Variants in ATRX observed in about 807,000 individuals in gnomAD.
ATRX encodes the protein chromatin remodeler ATRX.
Under a neutral mutation model 172.6 loss-of-function variants are expected in ATRX, and 12 were observed. The observed-to-expected ratio is 0.07, with a 90% CI of 0.04 to 0.11. ATRX has a LOEUF of 0.11. Among genes scored for constraint, ATRX ranks in the 10% least tolerant of loss-of-function variants. The probability of loss-of-function intolerance (pLI) is 1.00; values close to 1 mark genes in which losing one functional copy is unlikely to be tolerated. For missense variants in ATRX, 1,368 were observed against 1,767.4 expected (o/e 0.77, Z 4.05); for synonymous variants, 674 against 594.7 (o/e 1.13, Z -1.94).
intron 22 of ATRX, 50 bp downstream of exon 22, chrX:77,616,563 A>G (rs781969345): frequency 7.4e-5 from 86 of 1,156,723 alleles, no homozygotes; most frequent in Non-Finnish European, 9.9e-5. Context: ...CTTCTTTGGA[A>G]AAAGAATGTC....
chrX:77,537,846 T>C (rs1169346464), intron 30 of ATRX, among the ~76,000 whole-genome samples: 3 of 111,168 alleles, frequency 2.7e-5, no homozygotes, highest in African/African-American at 9.8e-5. Flanking sequence ...GTCCTGAATA[T>C]ATATATATGT....
At chrX:77,718,754 A>C (rs2073586514) in intron 1 of ATRX, among the ~76,000 whole-genome samples, 1 of 110,050 alleles carries the variant, frequency 9.1e-6, no homozygotes, top group Admixed American at 9.8e-5. Flanking sequence ...TTAAATAAGG[A>C]AAGTATAAGT....
chrX:77,517,388 T>G lies in ATRX; in HGVS notation c.7200+3400A>C, dbSNP rs782153751. On this transcript the variant is annotated intron_variant, in intron 34 of 34. Transcript: ENST00000373344. ...TTCAAAGGATCATTAGAGGCTCCTA[T>G]GACAAACTACATGCAAAAAATTGGA... Among the ~76,000 whole-genome samples the G allele has an allele frequency of 2.7e-5, 3 of 111,597 alleles. No individual in the cohort carries two copies. The East Asian group carries it at 8.4e-4, about 31-fold the overall frequency.
chrX:77,716,912 C>T (rs2073464121), intron 2 of ATRX, among the ~76,000 whole-genome samples: 1 of 111,372 alleles, frequency 9.0e-6, no homozygotes, highest in Non-Finnish European at 1.9e-5. Context: ...CTTTTCTAAG[C>T]TTTCTATAGT....
intron 20 of ATRX, among the ~76,000 whole-genome samples, chrX:77,620,087 A>C (rs191795262): frequency 8.9e-6 from 1 of 112,351 alleles, no homozygotes; most frequent in East Asian, 2.8e-4. Context: ...TATCTGGAGT[A>C]ATCACATATG....
At position 77,747,051 on chromosome X, in the gene ATRX, G is replaced by A. The variant is rs188818276; in HGVS notation, c.21-29808C>T. On this transcript the variant is annotated intron_variant, in intron 1 of 34. Coordinates refer to ENST00000373344, the MANE Select transcript of ATRX (RefSeq NM_000489.6). ...CCTAACCTCGTGATCCACCCGCTTC[G>A]GCCTCCCAAAGTGCTGGGATTACAG... 6.0e-3 allele frequency among the ~76,000 whole-genome samples: 663 copies of A among 110,110 alleles called. 3 individuals carry two copies. Among genetic ancestry groups the A allele is most frequent in the African/African-American group, 0.02 (622 of 30,358 alleles).
chrX:77,634,854 T>C, intron 16 of ATRX, 151 bp from the exon 17 acceptor site: 1 of 507,819 alleles, frequency 2.0e-6, no homozygotes, highest in Non-Finnish European at 3.4e-6. Context: ...ATGGGATTTT[T>C]TCCCACCAAA....
At chrX:77,688,494 A>G (rs2071702744) in intron 7 of ATRX, among the ~76,000 whole-genome samples, 1 of 111,651 alleles carries the variant, frequency 9.0e-6, no homozygotes, top group Non-Finnish European at 1.9e-5. Context: ...AACTACCAGT[A>G]TCTGAATACT....
intron 16 of ATRX, 146 bp from the exon 17 acceptor site, chrX:77,634,849 A>AT (rs1406937906): frequency 1.4e-5 from 7 of 510,689 alleles, no homozygotes; most frequent in Non-Finnish European, 2.3e-5. Flanking sequence ...TCTAAATGGG[A>AT]TTTTTTCCCA....
At chrX:77,512,825 A>G (rs868915331) in intron 34 of ATRX, among the ~76,000 whole-genome samples, 43 of 111,372 alleles carry the variant, frequency 3.9e-4, no homozygotes, top group African/African-American at 1.2e-3. Flanking sequence ...AGCTGAGATC[A>G]TGCCACTGCA....
intron 1 of ATRX, among the ~76,000 whole-genome samples, chrX:77,745,394 TCCTATTCAGC>T (rs1266139451): frequency 1.0e-4 from 11 of 110,120 alleles, no homozygotes; most frequent in Non-Finnish European, 1.7e-4. Flanking sequence ...CACAATGGAG[TCCTATTCAGC>T]CCTTAAAAAA....
intron 12 of ATRX, among the ~76,000 whole-genome samples, chrX:77,660,442 G>C (rs1419593315): frequency 9.1e-6 from 1 of 109,582 alleles, no homozygotes; most frequent in Non-Finnish European, 1.9e-5. Context: ...GTGGGCGCCT[G>C]TAGTCCCAGC....
intron 1 of ATRX, among the ~76,000 whole-genome samples, chrX:77,759,986 C>CT (rs2075656476): frequency 2.7e-5 from 3 of 111,018 alleles, no homozygotes; most frequent in Non-Finnish European, 5.7e-5. Context: ...TGAGCATTTC[C>CT]TTTGAGAGTC....
rs1031522109 is a variant in ATRX at position 77,696,573 on chromosome X, T to C, written c.370+4A>G. 14 of 1,203,567 alleles carry C rather than the reference T, an allele frequency of 1.2e-5. No individual in the cohort carries two copies. The highest frequency in any genetic ancestry group is 1.5e-5 in the Non-Finnish European group (13 of 890,171). ...TAACTTCATGAAAAATTAACACACA[T>C]TACCTTTTGGCAAGCTCTGCATAGT... On this transcript the variant is annotated splice_donor_region_variant and intron_variant, in intron 5 of 34. Coordinates refer to ENST00000373344, the MANE Select transcript of ATRX (RefSeq NM_000489.6).
chrX:77,633,790 T>C (rs2068219647), intron 17 of ATRX, 78 bp from the exon 18 acceptor site: 2 of 1,048,736 alleles, frequency 1.9e-6, no homozygotes, highest in Admixed American at 2.5e-5. Context: ...TACAATATTA[T>C]AGCTTTGTTT....
At chrX:77,780,515 A>C (rs1428195851) in intron 1 of ATRX, among the ~76,000 whole-genome samples, 2 of 108,899 alleles carry the variant, frequency 1.8e-5, no homozygotes, top group Admixed American at 9.8e-5. Flanking sequence ...TTTTTAGTAG[A>C]GATGGGGTTT....
intron 6 of ATRX, among the ~76,000 whole-genome samples, chrX:77,689,771 C>A (rs2071784619): frequency 8.9e-6 from 1 of 112,061 alleles, no homozygotes; most frequent in Non-Finnish European, 1.9e-5. Context: ...GCCATTCCCA[C>A]CCCTAAACCA....
At chrX:77,572,275 C>T (rs1444985820) in intron 28 of ATRX, among the ~76,000 whole-genome samples, 1 of 111,072 alleles carries the variant, frequency 9.0e-6, no homozygotes, top group Non-Finnish European at 1.9e-5. Flanking sequence ...CAACGTAACA[C>T]TCGAAGAAAA....
At chrX:77,651,347 C>T (rs2069232780) in intron 15 of ATRX, among the ~76,000 whole-genome samples, 1 of 104,500 alleles carries the variant, frequency 9.6e-6, no homozygotes, top group Admixed American at 1.1e-4. Flanking sequence ...AATTTGAAAA[C>T]TTTTGTAACA....
Sources: allele counts gnomAD v4.1 joint callset (sites outside exome capture counted in the v4.1 genomes callset), GRCh38; gene constraint gnomAD v4.1.1; transcripts MANE v1.5; gene names NCBI Gene and HGNC (gene_info 2026-07-23, HGNC 2026-07-21).